DAB1: variants seen among roughly 807,000 people sequenced by gnomAD.
The protein encoded by DAB1 is DAB adaptor protein 1, also known as disabled homolog 1.
DAB1 carries 15 observed loss-of-function variants against 64.6 expected under a neutral mutation model. The ratio of observed to expected loss-of-function variants is 0.23; its 90% CI spans 0.16 to 0.36. The LOEUF (loss-of-function observed/expected upper bound fraction) is 0.36. Among genes scored for constraint, DAB1 ranks in the 10% least tolerant of loss-of-function variants. The pLI is 1.00. For synonymous variants in DAB1, 235 were observed against 251.9 expected, an observed-to-expected ratio of 0.93 and a Z score of 0.64; for missense variants, 596 against 706.7, an observed-to-expected ratio of 0.84 and a Z score of 1.78.
chr1:58,526,718 G>A (rs958593119), intron 2 of DAB1, among the ~76,000 whole-genome samples: 1 of 151,824 alleles, frequency 6.6e-6, no homozygotes, highest in African/African-American at 2.4e-5. Context: ...AGCTACAACA[G>A]GATCAACCTA....
chr1:57,179,490 T>G (rs1662682722), intron 2 of DAB1, among the ~76,000 whole-genome samples: 1 of 152,198 alleles, frequency 6.6e-6, no homozygotes, highest in South Asian at 2.1e-4. Flanking sequence ...CATAACCCAA[T>G]GAGAATTTAT....
intron 4 of DAB1, among the ~76,000 whole-genome samples, chr1:58,277,862 C>A (rs1407635535): frequency 6.6e-6 from 1 of 152,160 alleles, no homozygotes; most frequent in Non-Finnish European, 1.5e-5. Context: ...ATCAACATAA[C>A]CCCCATCCAA....
chr1:57,138,013 G>C (rs1227990032), intron 3 of DAB1, among the ~76,000 whole-genome samples: 1 of 152,074 alleles, frequency 6.6e-6, no homozygotes, highest in Non-Finnish European at 1.5e-5. Context: ...GCATGGTTAA[G>C]AGACTTAAAT....
At chr1:57,666,759 T>C (rs1646452351) in intron 6 of DAB1, among the ~76,000 whole-genome samples, 1 of 152,152 alleles carries the variant, frequency 6.6e-6, no homozygotes, top group Admixed American at 6.6e-5. Flanking sequence ...ACCTTGATTA[T>C]TGCAATAGCG....
intron 7 of DAB1, among the ~76,000 whole-genome samples, chr1:57,589,178 C>T (rs1645414348): frequency 6.6e-6 from 1 of 151,936 alleles, no homozygotes; most frequent in South Asian, 2.1e-4. Context: ...CGAGATCATG[C>T]CATTGCACTC....
chr1:58,313,856 T>TGTGAGAGA (rs369709762), intron 4 of DAB1, among the ~76,000 whole-genome samples: 246 of 112,158 alleles, frequency 2.2e-3, no homozygotes, highest in African/African-American at 7.1e-3. Flanking sequence ...TGTGTGTGTG[T>TGTGAGAGA]GAGAGAGAGA....
At chr1:58,200,512 C>A (rs1251810296) in intron 4 of DAB1, among the ~76,000 whole-genome samples, 4 of 152,258 alleles carry the variant, frequency 2.6e-5, no homozygotes, top group African/African-American at 7.2e-5. Flanking sequence ...TTACCTTATG[C>A]CATCTGCCTC....
intron 7 of DAB1, among the ~76,000 whole-genome samples, chr1:57,481,285 A>T (rs1344842557): frequency 6.6e-6 from 1 of 152,022 alleles, no homozygotes; most frequent in Non-Finnish European, 1.5e-5. Context: ...AATCTAATCC[A>T]ATCCCTCCCC....
intron 11 of DAB1, among the ~76,000 whole-genome samples, chr1:57,020,383 C>A (rs1406598278): frequency 6.6e-6 from 1 of 152,172 alleles, no homozygotes; most frequent in Admixed American, 6.5e-5. Flanking sequence ...CTCATGCAAT[C>A]CTTAGAAAAA....
chr1:58,370,536 C>T (rs982609904), intron 3 of DAB1, among the ~76,000 whole-genome samples: 2 of 152,006 alleles, frequency 1.3e-5, no homozygotes, highest in African/African-American at 4.8e-5. Context: ...AGGAGTTATT[C>T]ACGTTATCTG....
At chr1:57,196,588 T>A (rs183650630) in intron 2 of DAB1, among the ~76,000 whole-genome samples, 1 of 152,356 alleles carries the variant, frequency 6.6e-6, no homozygotes, top group Non-Finnish European at 1.5e-5. Flanking sequence ...CAATCCTGTT[T>A]AATTAAGGTA....
At chr1:57,125,730 C>T (rs1241043831) in intron 4 of DAB1, among the ~76,000 whole-genome samples, 2 of 152,074 alleles carry the variant, frequency 1.3e-5, no homozygotes, top group African/African-American at 4.8e-5. Context: ...TACTCATCGA[C>T]AAATTGAAAG....
intron 3 of DAB1, among the ~76,000 whole-genome samples, chr1:58,383,562 T>G (rs1644407817): frequency 6.6e-6 from 1 of 152,250 alleles, no homozygotes; most frequent in African/African-American, 2.4e-5. Flanking sequence ...ACGGTTGCCA[T>G]AAGCATTATC....
chr1:58,120,627 A>T (rs961129205), intron 5 of DAB1, among the ~76,000 whole-genome samples: 3 of 152,148 alleles, frequency 2.0e-5, no homozygotes, highest in African/African-American at 7.2e-5. Context: ...TTCTTCTAAC[A>T]AGGCAATGGC....
In DAB1 at chr1:57,055,650, C is replaced by T. The variant is rs17114888; in HGVS notation, c.723+7234G>A. On this transcript the variant is annotated intron_variant, in intron 9 of 14. Transcript: ENST00000371236. ...CCTAAGACTCTGGAACGCTCTGTAA[C>T]CTCAAATTTGCCATGTTACTGATTT... Among the ~76,000 whole-genome samples, 1,370 of 152,260 alleles carry T rather than the reference C, an allele frequency of 9.0e-3. 23 individuals are homozygous for T. Among genetic ancestry groups the T allele is most frequent in the African/African-American group, 0.031 (1,306 of 41,542 alleles).
At chr1:57,850,897 C>T (rs943163441) in intron 1 of DAB1, among the ~76,000 whole-genome samples, 1 of 152,128 alleles carries the variant, frequency 6.6e-6, no homozygotes, top group East Asian at 1.9e-4. Flanking sequence ...AGTGGCTCCT[C>T]GCCCATTCCT....
intron 4 of DAB1, among the ~76,000 whole-genome samples, chr1:58,339,809 A>G (rs1207350455): frequency 6.6e-6 from 1 of 152,180 alleles, no homozygotes; most frequent in African/African-American, 2.4e-5. Flanking sequence ...CTCACTGAAG[A>G]TTTTGTGACA....
At chr1:58,406,890 C>T (rs951924162) in intron 3 of DAB1, among the ~76,000 whole-genome samples, 3 of 152,010 alleles carry the variant, frequency 2.0e-5, no homozygotes, top group South Asian at 2.1e-4. Flanking sequence ...CTCTCTGGAC[C>T]GTCTCAGCTG....
rs112501370 is a variant in DAB1, at chr1:57,787,543, T to G, written n.551+96456A>C. Among the ~76,000 whole-genome samples, 1,318 of 152,056 alleles carry G rather than the reference T, an allele frequency of 8.7e-3. 12 individuals carry two copies. The highest frequency in any genetic ancestry group is 0.012 in the Non-Finnish European group (849 of 67,968). ...AGAGATCACAGACATAAACTAAAAA[T>G]CTAAGATTATAAAACTTCTAGAAAG... On this transcript the variant is annotated intron_variant and non_coding_transcript_variant, in intron 6 of 20. Coordinates refer to the DAB1 transcript ENST00000485760.
Sources: allele counts gnomAD v4.1 joint callset (sites outside exome capture counted in the v4.1 genomes callset), GRCh38; gene constraint gnomAD v4.1.1; transcripts MANE v1.5; gene names NCBI Gene and HGNC (gene_info 2026-07-23, HGNC 2026-07-21).